Variants in FAXDC2 observed in about 807,000 individuals in gnomAD.
The protein encoded by FAXDC2 is fatty acid hydroxylase domain-containing protein 2.
FAXDC2 carries 41 observed loss-of-function variants against 40.9 expected under a neutral mutation model. That is an observed-to-expected ratio of 1.00 (90% confidence interval 0.78 to 1.30). The LOEUF is 1.30. FAXDC2 is among the 50% of genes most tolerant of loss of function. The pLI is 0.00. For missense variants in FAXDC2, 390 were observed against 408.8 expected, an observed-to-expected ratio of 0.95 and a Z score of 0.40; for synonymous variants, 157 against 149.3, an observed-to-expected ratio of 1.05 and a Z score of -0.38.
chr5:154,850,266 T>C (rs914708320), intron 1 of FAXDC2, among the ~76,000 whole-genome samples: 2 of 152,174 alleles, frequency 1.3e-5, no homozygotes, highest in South Asian at 4.1e-4. Context: ...CAGACATTAG[T>C]AAGAGACAAG....
intron 1 of FAXDC2, among the ~76,000 whole-genome samples, chr5:154,839,198 T>G (rs1460287143): frequency 6.6e-6 from 1 of 151,518 alleles, no homozygotes; most frequent in African/African-American, 2.4e-5. Flanking sequence ...TGGTGGTGCA[T>G]GCCTGTTGTC....
intron 1 of FAXDC2, among the ~76,000 whole-genome samples, chr5:154,844,344 T>G (rs1015090027): frequency 6.7e-6 from 1 of 148,528 alleles, no homozygotes; most frequent in Non-Finnish European, 1.5e-5. Flanking sequence ...ATTGCACCAC[T>G]GCACTCCTGC....
intron 1 of FAXDC2, among the ~76,000 whole-genome samples, chr5:154,848,149 TC>T (rs1176705073): frequency 6.6e-6 from 1 of 152,238 alleles, no homozygotes; most frequent in Non-Finnish European, 1.5e-5. Flanking sequence ...TACTGAATGT[TC>T]CTATTTTATA....
chr5:154,834,007 G>A (rs1052041209), intron 4 of FAXDC2, among the ~76,000 whole-genome samples: 2 of 149,426 alleles, frequency 1.3e-5, no homozygotes, highest in African/African-American at 4.9e-5. Flanking sequence ...TACAAGTGTA[G>A]CACATAGTAA....
chr5:154,840,397 A>AT (rs958215098), intron 1 of FAXDC2, among the ~76,000 whole-genome samples: 3 of 151,418 alleles, frequency 2.0e-5, no homozygotes, highest in Middle Eastern at 3.2e-3. Context: ...TTTTAAATTG[A>AT]TTTTTTTTAG....
In FAXDC2 at chr5:154,820,052, C is replaced by G. The variant is rs1032310006; in HGVS notation, c.*264G>C. The G allele has an allele frequency of 8.5e-6, 3 of 353,450 alleles. No homozygotes were observed. Among genetic ancestry groups the G allele is most frequent in the African/African-American group, 6.5e-5 (3 of 46,468 alleles). The allele number at this position is 353,450 out of a possible 1,614,324, so 21.9% of individuals were successfully genotyped here. On this transcript the variant is annotated 3_prime_UTR_variant, in exon 9 of 9. Coordinates refer to ENST00000326080, the MANE Select transcript of FAXDC2 (RefSeq NM_032385.5). ...CACAGCAGAGGACCAGGGGTCTCCT[C>G]CCTCTGACCAGCCTCCAGTCTGGGG...
chr5:154,820,137 G>A lies in FAXDC2; in HGVS notation c.*179C>T. 1.7e-6 allele frequency: 1 copy of A among 594,658 alleles called. No homozygotes were observed. Among genetic ancestry groups the A allele is most frequent in the Non-Finnish European group, 3.1e-6 (1 of 323,778 alleles). 36.8% of individuals were successfully genotyped at this position (594,658 alleles called of 1,614,324 possible). ...ATCCCATTGAGGGACATCAAGGGCAGTAGTTTGAAGAAAGCCTCATCCTTG... is the reference window on the plus strand; with the variant it reads ...ATCCCATTGAGGGACATCAAGGGCAATAGTTTGAAGAAAGCCTCATCCTTG... On this transcript the variant is annotated 3_prime_UTR_variant, in exon 9 of 9. Coordinates refer to ENST00000326080, the MANE Select transcript of FAXDC2 (RefSeq NM_032385.5).
At chr5:154,844,982 T>G (rs188924565) in intron 1 of FAXDC2, among the ~76,000 whole-genome samples, 1 of 152,344 alleles carries the variant, frequency 6.6e-6, no homozygotes, top group Non-Finnish European at 1.5e-5. Context: ...TTTCTGGTGG[T>G]GAGAAGGCTT....
chr5:154,847,965 G>A (rs865921514), intron 1 of FAXDC2, among the ~76,000 whole-genome samples: 4 of 151,298 alleles, frequency 2.6e-5, no homozygotes, highest in South Asian at 4.2e-4. Context: ...TCAGCCTCCC[G>A]AGTAGCTGGG....
chr5:154,824,503 T>G (rs557709063), intron 5 of FAXDC2: 40 of 702,440 alleles, frequency 5.7e-5, no homozygotes, highest in Non-Finnish European at 9.4e-5. Flanking sequence ...TTAACTGATT[T>G]CAGAATTCAC....
intron 1 of FAXDC2, 122 bp from the exon 2 acceptor site, chr5:154,838,300 T>C (rs566593362): frequency 9.7e-6 from 8 of 824,302 alleles, no homozygotes; most frequent in South Asian, 3.2e-5. Context: ...AAAATTGGCT[T>C]GTTGTTCTTC....
chr5:154,830,730 G>C, intron 5 of FAXDC2, 71 bp downstream of exon 5: 1 of 1,589,086 alleles, frequency 6.3e-7, no homozygotes, highest in Non-Finnish European at 8.6e-7. Flanking sequence ...TGGGCCAGTG[G>C]TGAGAATTCT....
chr5:154,825,033 G>A lies in FAXDC2; in HGVS notation c.367-1441C>T, dbSNP rs534707812. ...AGGAGTTTAAGGCACACCAGCCTGC[G>A]TGAGAGAGTGAGACCCAATCTTGTT... On this transcript the variant is annotated intron_variant, in intron 5 of 8. Transcript: ENST00000326080. Among the ~76,000 whole-genome samples the A allele has an allele frequency of 4.3e-5, 6 of 139,312 alleles. 1 individual carries two copies. The East Asian group carries it at 9.7e-4, about 22-fold the overall frequency. 91.4% of individuals were successfully genotyped at this position (139,312 alleles called of 152,430 possible). A position where few individuals can be genotyped will look rare whatever the true frequency, so the allele number is the denominator to read the frequency against.
rs1365519624 is a variant in FAXDC2 at position 154,834,046 on chromosome 5, TATAA to T, written c.244+575_244+578del. ...TATATATTATATGTCATATTAATAA[TATAA>T]ATAAATGTATATTATATATAATATA... On this transcript the variant is annotated intron_variant, in intron 4 of 8. Transcript: ENST00000326080. Among the ~76,000 whole-genome samples the T allele has an allele frequency of 4.7e-5, 7 of 148,516 alleles. No homozygotes were observed. In the East Asian group the frequency reaches 5.8e-4, roughly 12 times the overall value.
At chr5:154,849,267 G>A (rs1053301284) in intron 1 of FAXDC2, among the ~76,000 whole-genome samples, 11 of 152,202 alleles carry the variant, frequency 7.2e-5, no homozygotes, top group African/African-American at 2.4e-4. Flanking sequence ...GTGACAGAAC[G>A]AGATTCCATC....
intron 1 of FAXDC2, among the ~76,000 whole-genome samples, chr5:154,844,996 G>A (rs1056769843): frequency 1.3e-5 from 2 of 152,172 alleles, no homozygotes; most frequent in East Asian, 1.9e-4. Context: ...AAGGCTTCTC[G>A]GCTGTAAGAG....
chr5:154,837,274 T>G (rs912084433), intron 2 of FAXDC2, among the ~76,000 whole-genome samples: 4 of 151,238 alleles, frequency 2.6e-5, no homozygotes, highest in Non-Finnish European at 4.4e-5. Context: ...CTTGCTCTTT[T>G]TTTTGTTTTT....
intron 2 of FAXDC2, among the ~76,000 whole-genome samples, chr5:154,837,319 A>G (rs938149337): frequency 1.3e-5 from 2 of 151,624 alleles, no homozygotes; most frequent in African/African-American, 4.8e-5. Context: ...TTTTGAGCCA[A>G]TGTTATTCTC....
At position 154,834,738 on chromosome 5, in the gene FAXDC2, AAAAC is replaced by A; in HGVS notation, c.141-14_141-11del. The A allele has an allele frequency of 5.6e-6, 9 of 1,613,584 alleles. No individual in the cohort carries two copies. The highest frequency in any genetic ancestry group is 7.6e-6 in the Non-Finnish European group (9 of 1,179,672). ...AAATCTCTGAAGATGCCTTGGAAAA[AAAAC>A]CAGGTTTCTGGGTGAAGACTAGTGG... On this transcript the variant is annotated splice_polypyrimidine_tract_variant and intron_variant, in intron 3 of 8. Transcript: ENST00000326080.
Sources: gnomAD v4.1 joint callset for allele counts (sites outside exome capture counted in the v4.1 genomes callset) on GRCh38, gnomAD v4.1.1 for gene constraint, MANE v1.5 for transcripts, NCBI Gene and HGNC (gene_info 2026-07-23, HGNC 2026-07-21) for gene names.